STIMATE: variants seen among roughly 807,000 people sequenced by gnomAD.
STIMATE encodes the protein store-operated calcium entry regulator STIMATE.
Under a neutral mutation model 36.7 loss-of-function variants are expected in STIMATE, and 15 were observed. The observed-to-expected ratio is 0.41, with a 90% CI of 0.27 to 0.63. STIMATE has a LOEUF of 0.63. Among genes scored for constraint, STIMATE ranks in the 20% least tolerant of loss-of-function variants. The pLI is 0.32. For synonymous variants in STIMATE, 163 were observed against 162.3 expected (o/e 1.00, Z -0.03); for missense variants, 305 against 397.3 (o/e 0.77, Z 1.98).
At chr3:52,890,929 T>TCAC (rs1247301625) in intron 1 of STIMATE, among the ~76,000 whole-genome samples, 2 of 152,022 alleles carry the variant, frequency 1.3e-5, no homozygotes, top group Non-Finnish European at 2.9e-5. Context: ...TGGGGTAGAA[T>TCAC]CACCACCCTC....
chr3:52,840,768 C>T (rs1700784244), intron 7 of STIMATE, among the ~76,000 whole-genome samples, 158 bp from the exon 8 acceptor site: 2 of 151,256 alleles, frequency 1.3e-5, no homozygotes, highest in South Asian at 4.2e-4. Flanking sequence ...GGCACGATCT[C>T]GCCTCACTGC....
In STIMATE at chr3:52,838,794, T is replaced by G. The variant is rs1286171372; in HGVS notation, c.*1700A>C. On this transcript the variant is annotated 3_prime_UTR_variant, in exon 8 of 8. Transcript: ENST00000355083. The stretch of plus-strand genomic sequence containing the variant: ...GTCCCAGGGTACCTGGTTTAACAGC[T>G]GGGTTCATGCGCCCAATTCGGACCC... 1.6e-5 allele frequency: 1 copy of G among 62,002 alleles called. No homozygotes were observed. The highest frequency in any genetic ancestry group is 4.4e-5 in the Non-Finnish European group (1 of 22,946). The allele number at this position is 62,002 out of a possible 1,614,324, so 3.8% of individuals were successfully genotyped here.
intron 1 of STIMATE, among the ~76,000 whole-genome samples, chr3:52,857,609 GT>G (rs1290422528): frequency 1.3e-5 from 2 of 152,110 alleles, no homozygotes; most frequent in Admixed American, 6.5e-5. Context: ...GCATGCTGAA[GT>G]AACAGAGTGG....
At chr3:52,843,163 G>C in intron 6 of STIMATE, 1 of 1,029,644 alleles carries the variant, frequency 9.7e-7, no homozygotes, top group South Asian at 1.7e-5. Context: ...TTTCTGATCA[G>C]AGTGTGCAAG....
intron 1 of STIMATE, among the ~76,000 whole-genome samples, chr3:52,887,734 C>T (rs528450529): frequency 4.6e-5 from 7 of 152,228 alleles, no homozygotes; most frequent in African/African-American, 1.7e-4. Flanking sequence ...TGAGGACCTC[C>T]GTGACTGGGA....
intron 1 of STIMATE, among the ~76,000 whole-genome samples, chr3:52,865,301 C>T (rs1701286715): frequency 6.6e-6 from 1 of 152,188 alleles, no homozygotes; most frequent in Admixed American, 6.5e-5. Flanking sequence ...CTTTCTTCTG[C>T]ACCCTCCAAA....
At chr3:52,847,939 C>T in intron 4 of STIMATE, 1 of 202,092 alleles carries the variant, frequency 4.9e-6, no homozygotes, top group Non-Finnish European at 1.0e-5. Flanking sequence ...GGGCCGCGAG[C>T]CAAGGCTTAC....
intron 1 of STIMATE, among the ~76,000 whole-genome samples, chr3:52,880,999 AC>A (rs1701593156): frequency 1.3e-5 from 2 of 151,472 alleles, no homozygotes; most frequent in Admixed American, 1.3e-4. Flanking sequence ...GACCAGCCTG[AC>A]CAACATGGTG....
At chr3:52,868,307 T>C in intron 1 of STIMATE, among the ~76,000 whole-genome samples, 1 of 152,206 alleles carries the variant, frequency 6.6e-6, no homozygotes, top group East Asian at 1.9e-4. Flanking sequence ...CAGCCTCCCC[T>C]GCTGCTGGTG....
At chr3:52,897,270 G>A (rs977473068) in intron 1 of STIMATE, 21 bp downstream of exon 1, 1 of 1,537,098 alleles carries the variant, frequency 6.5e-7, no homozygotes, top group South Asian at 1.2e-5. Flanking sequence ...CCTCCGGAGG[G>A]TCGGGGGGTC....
chr3:52,883,983 ATC>A (rs1701651174), intron 1 of STIMATE, among the ~76,000 whole-genome samples: 1 of 152,214 alleles, frequency 6.6e-6, no homozygotes, highest in Non-Finnish European at 1.5e-5. Context: ...GGGGCTATAC[ATC>A]ATGATTGTTA....
intron 1 of STIMATE, among the ~76,000 whole-genome samples, chr3:52,861,784 C>A (rs370665503): frequency 6.6e-6 from 1 of 152,202 alleles, no homozygotes; most frequent in Admixed American, 6.5e-5. Context: ...CCAGCTGCAA[C>A]CCTCCATACC....
chr3:52,837,883 T>C lies in STIMATE; in HGVS notation c.*2611A>G, dbSNP rs1353320418. ...GGGAGGGCAGCTCGGGAGGAAGTCCTGACCACAGCCCTCTGATCTGCTCTC... is the reference window on the plus strand; with the variant it reads ...GGGAGGGCAGCTCGGGAGGAAGTCCCGACCACAGCCCTCTGATCTGCTCTC... On this transcript the variant is annotated 3_prime_UTR_variant, in exon 8 of 8. Coordinates refer to ENST00000355083, the MANE Select transcript of STIMATE (RefSeq NM_198563.5). 2 of 152,244 alleles carry C rather than the reference T, an allele frequency of 1.3e-5. No individual in the cohort carries two copies. Among genetic ancestry groups the C allele is most frequent in the African/African-American group, 4.8e-5 (2 of 41,452 alleles). 9.4% of individuals were successfully genotyped at this position (152,244 alleles called of 1,614,324 possible). A position where few individuals can be genotyped will look rare whatever the true frequency, so the allele number is the denominator to read the frequency against.
At chr3:52,880,186 T>A (rs1358406443) in intron 1 of STIMATE, among the ~76,000 whole-genome samples, 1 of 152,050 alleles carries the variant, frequency 6.6e-6, no homozygotes, top group Non-Finnish European at 1.5e-5. Flanking sequence ...CTCCAACCTG[T>A]CCTCAGACTC....
At chr3:52,851,136 G>C (rs889798110) in intron 3 of STIMATE, among the ~76,000 whole-genome samples, 2 of 152,184 alleles carry the variant, frequency 1.3e-5, no homozygotes, top group Non-Finnish European at 2.9e-5. Context: ...GTTCTTGTAC[G>C]GTCTGTTTCC....
rs1262979287 is a variant in STIMATE at position 52,897,493 on chromosome 3, G to A, written c.-43C>T. Reference sequence around the variant, plus strand: ...GGGCGCGAGGGCCCAGGGCCCGCCCGGCCTCGCTGCCTGCCGGCGCAGCGC... The same window carrying A: ...GGGCGCGAGGGCCCAGGGCCCGCCCAGCCTCGCTGCCTGCCGGCGCAGCGC... On this transcript the variant is annotated 5_prime_UTR_variant, in exon 1 of 8. Coordinates refer to ENST00000355083, the MANE Select transcript of STIMATE (RefSeq NM_198563.5). The A allele has an allele frequency of 4.1e-6, 5 of 1,206,066 alleles. No homozygotes were observed. The highest frequency in any genetic ancestry group is 4.1e-5 in the South Asian group (1 of 24,570). 74.7% of individuals were successfully genotyped at this position (1,206,066 alleles called of 1,614,324 possible). A position where few individuals can be genotyped will look rare whatever the true frequency, so the allele number is the denominator to read the frequency against.
At chr3:52,847,078 A>C (rs563701521) in intron 4 of STIMATE, 1 of 349,142 alleles carries the variant, frequency 2.9e-6, no homozygotes, top group Admixed American at 6.5e-5. Context: ...AATTAAAAAA[A>C]ATTTTTTTTT....
intron 1 of STIMATE, among the ~76,000 whole-genome samples, chr3:52,891,351 T>C (rs1188175613): frequency 6.6e-6 from 1 of 152,112 alleles, no homozygotes; most frequent in African/African-American, 2.4e-5. Context: ...AGGGTTCCTG[T>C]GAGGGGGGTT....
At chr3:52,896,643 G>A (rs1286699620) in intron 1 of STIMATE, among the ~76,000 whole-genome samples, 1 of 152,186 alleles carries the variant, frequency 6.6e-6, no homozygotes, top group East Asian at 1.9e-4. Flanking sequence ...GACAGAGATG[G>A]AACAGGTGGG....
Sources: allele counts gnomAD v4.1 joint callset (sites outside exome capture counted in the v4.1 genomes callset), GRCh38; gene constraint gnomAD v4.1.1; transcripts MANE v1.5; gene names NCBI Gene and HGNC (gene_info 2026-07-23, HGNC 2026-07-21).